The following TNIK variants were observed in gnomAD, a reference collection of about 807,000 sequenced individuals.
The protein encoded by TNIK is TRAF2 and NCK interacting kinase.
Under a neutral mutation model 191.3 loss-of-function variants are expected in TNIK, and 49 were observed. The ratio of observed to expected loss-of-function variants is 0.26; its 90% CI spans 0.20 to 0.32. The LOEUF is 0.32. Ranked by LOEUF, TNIK falls within the 10% of genes least tolerant of loss-of-function variation. TNIK has a pLI of 1.00. For missense variants in TNIK, 1,155 were observed against 1,702.3 expected (o/e 0.68, Z 5.66); for synonymous variants, 594 against 600.9 (o/e 0.99, Z 0.17).
intron 21 of TNIK, among the ~76,000 whole-genome samples, chr3:171,102,417 G>A (rs535945117): frequency 3.9e-5 from 6 of 152,210 alleles, no homozygotes; most frequent in African/African-American, 1.2e-4. Context: ...GAAACCTTTA[G>A]CCTTATGGAT....
At chr3:171,264,465 C>T (rs1039525988) in intron 2 of TNIK, among the ~76,000 whole-genome samples, 2 of 152,006 alleles carry the variant, frequency 1.3e-5, no homozygotes, top group African/African-American at 4.8e-5. Flanking sequence ...AAGTGATTCT[C>T]CTGCCTCAGC....
chr3:171,178,696 G>C (rs1736267519), intron 7 of TNIK, among the ~76,000 whole-genome samples: 2 of 152,150 alleles, frequency 1.3e-5, no homozygotes, highest in African/African-American at 4.8e-5. Context: ...AGATTGGTAA[G>C]AAAATCTAGT....
At chr3:171,160,479 T>C (rs533401209) in intron 11 of TNIK, among the ~76,000 whole-genome samples, 1 of 151,684 alleles carries the variant, frequency 6.6e-6, no homozygotes, top group South Asian at 2.1e-4. Context: ...CACACCTCAA[T>C]GAGTCTTCTG....
intron 12 of TNIK, among the ~76,000 whole-genome samples, chr3:171,142,349 G>A (rs1037381497): frequency 2.6e-5 from 4 of 152,200 alleles, no homozygotes; most frequent in African/African-American, 9.7e-5. Flanking sequence ...TTTCAGCAAA[G>A]GCGGGATGAG....
Position 171,302,187 on chromosome 3 carries a change from G to C in TNIK, c.123+67433C>G, listed in dbSNP as rs1465716095. On this transcript the variant is annotated intron_variant, in intron 2 of 32. Coordinates refer to ENST00000436636, the MANE Select transcript of TNIK (RefSeq NM_015028.4). ...GGGTCATGGAAAATGGCAATGCTAA[G>C]GGGCCACTTGGATGAAGCCTGTGTT... Among the ~76,000 whole-genome samples the C allele has an allele frequency of 2.0e-5, 3 of 152,116 alleles. No homozygotes were observed. The East Asian group carries it at 5.8e-4, about 29-fold the overall frequency.
At chr3:171,300,549 A>T (rs984087314) in intron 2 of TNIK, among the ~76,000 whole-genome samples, 1 of 152,182 alleles carries the variant, frequency 6.6e-6, no homozygotes, top group African/African-American at 2.4e-5. Context: ...TGAAAAAAAA[A>T]TCTGTGCTTT....
At chr3:171,130,965 C>T (rs1430867484) in intron 15 of TNIK, among the ~76,000 whole-genome samples, 1 of 152,040 alleles carries the variant, frequency 6.6e-6, no homozygotes, top group Non-Finnish European at 1.5e-5. Flanking sequence ...GCAAAGAAAC[C>T]ATTTTTGAGA....
At chr3:171,090,712 G>T (rs1157941771) in intron 23 of TNIK, among the ~76,000 whole-genome samples, 1 of 152,190 alleles carries the variant, frequency 6.6e-6, no homozygotes, top group Non-Finnish European at 1.5e-5. Context: ...ACAAATGGCA[G>T]CTCACAGCTG....
At chr3:171,345,813 A>G (rs1039854799) in intron 2 of TNIK, among the ~76,000 whole-genome samples, 1 of 152,192 alleles carries the variant, frequency 6.6e-6, no homozygotes, top group Admixed American at 6.5e-5. Context: ...TGCTTTTAGT[A>G]TCATCTAGTT....
intron 12 of TNIK, among the ~76,000 whole-genome samples, chr3:171,144,293 G>A (rs1407669356): frequency 6.6e-6 from 1 of 152,126 alleles, no homozygotes; most frequent in Non-Finnish European, 1.5e-5. Flanking sequence ...AAGTTTTCCA[G>A]GCCCTAACAA....
rs1747732518 is a variant in TNIK, at chr3:171,262,267, A to G, written c.124-34046T>C. Among the ~76,000 whole-genome samples, 4 of 152,180 alleles carry G rather than the reference A, an allele frequency of 2.6e-5. No homozygotes were observed. The South Asian group carries it at 8.3e-4, about 32-fold the overall frequency. ...CCAGATTTAGTGTTTGCCTGTCCTC[A>G]TGTACCCCTCCCATCACATCACACC... On this transcript the variant is annotated intron_variant, in intron 2 of 32. Coordinates refer to ENST00000436636, the MANE Select transcript of TNIK (RefSeq NM_015028.4).
chr3:171,392,778 C>CAAAAAAAAAAAAAAAA (rs60306915), intron 1 of TNIK, among the ~76,000 whole-genome samples: 1 of 95,270 alleles, frequency 1.0e-5, no homozygotes, highest in Non-Finnish European at 2.0e-5. Flanking sequence ...GATTCTGTCT[C>CAAAAAAAAAAAAAAAA]AAAAAAAAAA....
At chr3:171,201,418 A>AATATAAAT (rs1553854374) in intron 4 of TNIK, among the ~76,000 whole-genome samples, 2 of 151,990 alleles carry the variant, frequency 1.3e-5, no homozygotes, top group Non-Finnish European at 2.9e-5. Flanking sequence ...TAAATAAATA[A>AATATAAAT]ATATAAATAA....
intron 2 of TNIK, among the ~76,000 whole-genome samples, chr3:171,234,417 G>A (rs977604967): frequency 8.5e-5 from 13 of 152,286 alleles, no homozygotes; most frequent in African/African-American, 3.1e-4. Flanking sequence ...CCAGACTTGT[G>A]GCAGAGGTAA....
chr3:171,321,737 TGATA>T (rs1755185861), intron 2 of TNIK, among the ~76,000 whole-genome samples: 1 of 152,150 alleles, frequency 6.6e-6, no homozygotes, highest in Non-Finnish European at 1.5e-5. Context: ...GGGAAGGGAA[TGATA>T]GAAAGTAGCG....
intron 3 of TNIK, among the ~76,000 whole-genome samples, chr3:171,215,366 G>A (rs1741334586): frequency 2.0e-5 from 3 of 152,174 alleles, no homozygotes; most frequent in Admixed American, 2.0e-4. Context: ...CAGGAGGTAT[G>A]TATGAACTAT....
At chr3:171,104,268 TATAGGAA>T (rs1280710989) in intron 21 of TNIK, among the ~76,000 whole-genome samples, 5 of 152,122 alleles carry the variant, frequency 3.3e-5, no homozygotes, top group African/African-American at 4.8e-5. Context: ...ATAGCAAAGT[TATAGGAA>T]ATAAACACAA....
At chr3:171,095,717 T>A (rs1722621682) in intron 22 of TNIK, among the ~76,000 whole-genome samples, 1 of 152,062 alleles carries the variant, frequency 6.6e-6, no homozygotes, top group African/African-American at 2.4e-5. Context: ...GGTGAAAAAA[T>A]GACAGGGGGA....
At chr3:171,425,548 G>C (rs932911134) in intron 1 of TNIK, among the ~76,000 whole-genome samples, 4 of 152,116 alleles carry the variant, frequency 2.6e-5, no homozygotes, top group African/African-American at 9.7e-5. Context: ...GGGAAGAGCT[G>C]GGCATGGTGG....
Sources: allele counts gnomAD v4.1 joint callset (sites outside exome capture counted in the v4.1 genomes callset), GRCh38; gene constraint gnomAD v4.1.1; transcripts MANE v1.5; gene names NCBI Gene and HGNC (gene_info 2026-07-23, HGNC 2026-07-21).